The following CNOT6L variants were observed in gnomAD, a reference collection of about 807,000 sequenced individuals.
CNOT6L encodes the protein CCR4-NOT transcription complex subunit 6-like.
CNOT6L carries 7 observed loss-of-function variants against 64.0 expected under a neutral mutation model. The observed-to-expected ratio is 0.11, with a 90% CI of 0.06 to 0.21. The LOEUF (loss-of-function observed/expected upper bound fraction) is 0.21, where lower values mean the gene tolerates loss of function less well. Ranked by LOEUF, CNOT6L falls within the 10% of genes least tolerant of loss-of-function variation. The pLI, the probability that CNOT6L is intolerant of heterozygous loss-of-function variation, is 1.00. For synonymous variants in CNOT6L, 193 were observed against 243.4 expected (o/e 0.79, Z 1.93); for missense variants, 245 against 669.0 (o/e 0.37, Z 6.99).
chr4:77,817,812 A>T (rs951470866), intron 1 of CNOT6L, among the ~76,000 whole-genome samples: 5 of 152,262 alleles, frequency 3.3e-5, no homozygotes, highest in African/African-American at 7.2e-5. Context: ...TCTGGCCATG[A>T]CACAGAGTAC....
At chr4:77,753,214 G>GA (rs533742321) in intron 5 of CNOT6L, among the ~76,000 whole-genome samples, 10 of 122,834 alleles carry the variant, frequency 8.1e-5, no homozygotes, top group East Asian at 4.9e-4. Context: ...AACCCAGAAA[G>GA]AAAAAAAAAA....
intron 4 of CNOT6L, among the ~76,000 whole-genome samples, chr4:77,769,316 T>C (rs143892150): frequency 1.3e-5 from 2 of 152,270 alleles, no homozygotes; most frequent in African/African-American, 4.8e-5. Flanking sequence ...ATAAAAGGTA[T>C]AGGGGATCTA....
At chr4:77,749,800 A>T (rs917199478) in intron 5 of CNOT6L, among the ~76,000 whole-genome samples, 1 of 152,228 alleles carries the variant, frequency 6.6e-6, no homozygotes, top group African/African-American at 2.4e-5. Flanking sequence ...AGCTGGTAGG[A>T]ATATAAATTA....
chr4:77,807,593 T>C (rs1395379210), intron 1 of CNOT6L, among the ~76,000 whole-genome samples: 3 of 152,106 alleles, frequency 2.0e-5, no homozygotes, highest in African/African-American at 7.2e-5. Context: ...GGTCATAAAG[T>C]ATAAGGTATT....
At chr4:77,765,287 C>G (rs1034596733) in intron 4 of CNOT6L, among the ~76,000 whole-genome samples, 2 of 152,120 alleles carry the variant, frequency 1.3e-5, no homozygotes, top group Admixed American at 1.3e-4. Flanking sequence ...TAAAAATGGG[C>G]AACCAGTGCC....
intron 1 of CNOT6L, among the ~76,000 whole-genome samples, chr4:77,780,338 A>G (rs1054815200): frequency 6.6e-6 from 1 of 152,192 alleles, no homozygotes; most frequent in South Asian, 2.1e-4. Flanking sequence ...AGTTTTTCCA[A>G]GAGTTTCTAA....
rs1721835461 is a variant in CNOT6L, at chr4:77,726,218, G to A, written c.1404C>T (p.Ser468=). The A allele has an allele frequency of 6.2e-7, 1 of 1,613,780 alleles. No individual in the cohort carries two copies. Among genetic ancestry groups the A allele is most frequent in the Non-Finnish European group, 8.5e-7 (1 of 1,179,766 alleles). ...GRITHGFQLK[S]AYENNLMPYT... ...AAGGCATCAAGTTATTTTCATAGGCGCTCTTAAGTTGGAAGCCATGTGTGA... is the reference window on the plus strand; with the variant it reads ...AAGGCATCAAGTTATTTTCATAGGCACTCTTAAGTTGGAAGCCATGTGTGA... Residue 468 remains serine (S), a synonymous_variant, in exon 11 of 12, where the codon AGC becomes AGT. Coordinates refer to ENST00000504123, the MANE Select transcript of CNOT6L (RefSeq NM_144571.3).
At chr4:77,783,150 C>CAAAAAA (rs35634501) in intron 1 of CNOT6L, among the ~76,000 whole-genome samples, 15 of 102,034 alleles carry the variant, frequency 1.5e-4, no homozygotes, top group East Asian at 2.9e-4. Context: ...TGTGACCACT[C>CAAAAAA]AAAAAAAAAA....
chr4:77,785,778 G>C (rs538443431), intron 1 of CNOT6L, among the ~76,000 whole-genome samples: 6 of 152,052 alleles, frequency 3.9e-5, no homozygotes, highest in Non-Finnish European at 8.8e-5. Flanking sequence ...GCATGCACAC[G>C]CACAAAACAA....
chr4:77,794,768 T>C (rs1184597211), intron 1 of CNOT6L, among the ~76,000 whole-genome samples: 2 of 152,150 alleles, frequency 1.3e-5, no homozygotes. Flanking sequence ...CCAGAAGTTC[T>C]AGCCCATGCA....
intron 1 of CNOT6L, among the ~76,000 whole-genome samples, chr4:77,792,219 A>T (rs1427086390): frequency 1.3e-5 from 2 of 152,172 alleles, no homozygotes; most frequent in Non-Finnish European, 2.9e-5. Context: ...AATGACATAT[A>T]AAAAAGTATA....
At chr4:77,754,539 G>A (rs1424599562) in intron 5 of CNOT6L, among the ~76,000 whole-genome samples, 2 of 151,958 alleles carry the variant, frequency 1.3e-5, no homozygotes, top group Non-Finnish European at 2.9e-5. Context: ...AGAGGGGAGA[G>A]ATTTAAAAAC....
intron 1 of CNOT6L, among the ~76,000 whole-genome samples, chr4:77,789,602 G>A (rs931480985): frequency 1.3e-5 from 2 of 151,458 alleles, no homozygotes; most frequent in Admixed American, 6.6e-5. Context: ...TAAGGCTGCA[G>A]TGAGCCATGA....
intron 1 of CNOT6L, among the ~76,000 whole-genome samples, chr4:77,814,796 G>A (rs1733374277): frequency 2.0e-5 from 3 of 152,174 alleles, no homozygotes; most frequent in African/African-American, 7.2e-5. Context: ...CAGAGCTGAA[G>A]TTTCACATTA....
At chr4:77,750,256 GTGATTAAAAGTAA>G (rs1724708936) in intron 5 of CNOT6L, among the ~76,000 whole-genome samples, 1 of 152,168 alleles carries the variant, frequency 6.6e-6, no homozygotes, top group Non-Finnish European at 1.5e-5. Flanking sequence ...GGAAGGGACT[GTGATTAAAAGTAA>G]TGATTAAAAG....
chr4:77,733,927 AT>A (rs2109905104), intron 8 of CNOT6L, among the ~76,000 whole-genome samples: 1 of 152,256 alleles, frequency 6.6e-6, no homozygotes, highest in South Asian at 2.1e-4. Flanking sequence ...CATCTGAACA[AT>A]TTGTTTAAAT....
chr4:77,762,401 G>A (rs1044810746), intron 4 of CNOT6L, among the ~76,000 whole-genome samples: 10 of 151,976 alleles, frequency 6.6e-5, no homozygotes, highest in Admixed American at 2.0e-4. Flanking sequence ...GTGTTTAGCA[G>A]TAGATCCACA....
chr4:77,764,311 T>C (rs1202966549), intron 4 of CNOT6L, among the ~76,000 whole-genome samples: 1 of 152,226 alleles, frequency 6.6e-6, no homozygotes, highest in African/African-American at 2.4e-5. Flanking sequence ...ATTGCATGTA[T>C]TGGATGTCAT....
At chr4:77,818,581 G>C (rs911854387) in intron 1 of CNOT6L, among the ~76,000 whole-genome samples, 1 of 152,244 alleles carries the variant, frequency 6.6e-6, no homozygotes, top group African/African-American at 2.4e-5. Flanking sequence ...AAGACTGACT[G>C]TTCTGATTCA....
Sources: gnomAD v4.1 joint callset for allele counts (sites outside exome capture counted in the v4.1 genomes callset) on GRCh38, gnomAD v4.1.1 for gene constraint, MANE v1.5 for transcripts, NCBI Gene and HGNC (gene_info 2026-07-23, HGNC 2026-07-21) for gene names.